The following CACNA1B variants were observed in gnomAD, a reference collection of about 807,000 sequenced individuals.
CACNA1B encodes the protein voltage-dependent N-type calcium channel subunit alpha-1B.
CACNA1B carries 70 observed loss-of-function variants against 247.2 expected under a neutral mutation model. That is an observed-to-expected ratio of 0.28 (90% confidence interval 0.23 to 0.35). The LOEUF is 0.35. Among genes scored for constraint, CACNA1B ranks in the 10% least tolerant of loss-of-function variants. The pLI is 1.00. For synonymous variants in CACNA1B, 1,231 were observed against 1,294.4 expected, an observed-to-expected ratio of 0.95 and a Z score of 1.05; for missense variants, 2,367 against 3,197.4, an observed-to-expected ratio of 0.74 and a Z score of 6.26.
chr9:137,984,069 G>A, intron 12 of CACNA1B, 69 bp from the exon 13 acceptor site: 1 of 1,154,416 alleles, frequency 8.7e-7, no homozygotes, highest in Non-Finnish European at 1.3e-6. Flanking sequence ...CGCAGGGTGT[G>A]CACACACATC....
In CACNA1B at chr9:138,059,189, G is replaced by C. The variant is rs1363673878; in HGVS notation, c.4584G>C (p.Leu1528=). Reference sequence around the variant, plus strand: ...TGAAGATCATCGCCTTTGGGGTGCTGGTACGTGCTTTGGTCCCTGCTTTGC... The same window carrying C: ...TGAAGATCATCGCCTTTGGGGTGCTCGTACGTGCTTTGGTCCCTGCTTTGC... ...CVLKIIAFGV[L]NYFRDAWNVF... The change falls in exon 30 of 47, where the codon CTG becomes CTC. Residue 1528 remains leucine (L), a splice_region_variant and synonymous_variant. Coordinates refer to ENST00000371372, the MANE Select transcript of CACNA1B (RefSeq NM_000718.4). The surrounding 1 kb of genome is among the most constrained non-coding windows in gnomAD (Gnocchi z 4.2). 1.9e-6 allele frequency: 3 copies of C among 1,587,066 alleles called. No individual in the cohort carries two copies. The highest frequency in any genetic ancestry group is 2.6e-6 in the Non-Finnish European group (3 of 1,156,014).
rs1959225928 is a variant in CACNA1B at position 138,050,076 on chromosome 9, AGCTTCGTGGGGTAAT to A, written c.3710+764_3710+778del. On this transcript the variant is annotated intron_variant, in intron 24 of 46. Coordinates refer to ENST00000371372, the MANE Select transcript of CACNA1B (RefSeq NM_000718.4). The surrounding 1 kb of genome is among the most constrained non-coding windows in gnomAD (Gnocchi z 5.2). ...TCTTCCTCTTGCTGGACTCGGCAGG[AGCTTCGTGGGGTAAT>A]GCCTTCTCTCCCCCACACGCTGCCC... 1 of 1,289,426 alleles carries A rather than the reference AGCTTCGTGGGGTAAT, an allele frequency of 7.8e-7. No homozygotes were observed. The highest frequency in any genetic ancestry group is 1.0e-6 in the Non-Finnish European group (1 of 988,660). 79.9% of individuals were successfully genotyped at this position (1,289,426 alleles called of 1,614,324 possible).
chr9:138,023,218 C>A lies in CACNA1B; in HGVS notation c.2475C>A (p.Gly825=). ...TGGTGGTGGAGCTGGGCCGCGACGGCGCGCGGGGGCCCGTGGGAGGCAAAG... is the reference window on the plus strand; with the variant it reads ...TGGTGGTGGAGCTGGGCCGCGACGGAGCGCGGGGGCCCGTGGGAGGCAAAG... The part of the protein sequence containing the change: ...RPLVVELGRD[G]ARGPVGGKAR... The change falls in exon 19 of 47, where the codon GGC becomes GGA. Residue 825 remains glycine (G), a synonymous_variant. Transcript: ENST00000371372. The A allele has an allele frequency of 6.6e-7, 1 of 1,510,502 alleles. No individual in the cohort carries two copies. Among genetic ancestry groups the A allele is most frequent in the Non-Finnish European group, 8.8e-7 (1 of 1,137,918 alleles). 93.6% of individuals were successfully genotyped at this position (1,510,502 alleles called of 1,614,324 possible). A position where few individuals can be genotyped will look rare whatever the true frequency, so the allele number is the denominator to read the frequency against.
chr9:138,089,239 G>A (rs1013277106), intron 36 of CACNA1B, among the ~76,000 whole-genome samples: 2 of 152,042 alleles, frequency 1.3e-5, no homozygotes, highest in East Asian at 1.9e-4. Context: ...TCTGATGATC[G>A]TAGATGGAAA....
chr9:137,986,814 A>C lies in CACNA1B; in HGVS notation c.1934A>C (p.Asn645Thr). The change falls in exon 15 of 47, where the codon AAC (asparagine) becomes ACC (threonine). Residue 645 changes from asparagine to threonine, a missense_variant. This residue lies in a region of CACNA1B where 76 missense variants were observed against 191.0 expected (regional missense o/e 0.40). Coordinates refer to ENST00000371372, the MANE Select transcript of CACNA1B (RefSeq NM_000718.4). This position sits in a 1 kb window ranked among gnomAD's most constrained non-coding sequence, Gnocchi z 6.0. Reference sequence around the variant, plus strand: ...TTCCAGGATGAGACTCCCACAACCAACTTCGACACCTTCCCTGCCGCCATC... The same window carrying C: ...TTCCAGGATGAGACTCCCACAACCACCTTCGACACCTTCCCTGCCGCCATC... ...FNFQDETPTT[N>T]FDTFPAAILT... 5.0e-6 allele frequency: 8 copies of C among 1,613,852 alleles called. No homozygotes were observed. The highest frequency in any genetic ancestry group is 6.8e-6 in the Non-Finnish European group (8 of 1,179,828).
intron 36 of CACNA1B, among the ~76,000 whole-genome samples, chr9:138,088,329 A>G (rs1960768564): frequency 6.6e-6 from 1 of 152,074 alleles, no homozygotes; most frequent in African/African-American, 2.4e-5. Context: ...AGATTATGCC[A>G]CTGCACTCCA....
At chr9:138,004,681 A>G (rs1958625223) in intron 15 of CACNA1B, among the ~76,000 whole-genome samples, 1 of 152,206 alleles carries the variant, frequency 6.6e-6, no homozygotes, top group Non-Finnish European at 1.5e-5. Context: ...CTGTTTATAC[A>G]TACGTGTATG....
chr9:137,947,109 ACT>A (rs1957805983), intron 6 of CACNA1B, among the ~76,000 whole-genome samples: 1 of 152,092 alleles, frequency 6.6e-6, no homozygotes, highest in African/African-American at 2.4e-5. Flanking sequence ...ACTTGGTTAC[ACT>A]CTATGTAAAT....
In CACNA1B at chr9:138,058,011, T is replaced by C. The variant is rs2133503516; in HGVS notation, c.4107-38T>C. The C allele has an allele frequency of 6.3e-7, 1 of 1,590,892 alleles. No individual in the cohort carries two copies. Among genetic ancestry groups the C allele is most frequent in the Non-Finnish European group, 8.6e-7 (1 of 1,158,902 alleles). Reference sequence around the variant, plus strand: ...CTTGAGTTCTTAGGGCTGTCTCCTTTGGGGGTTCCCCTGACACTTGCTCTC... The same window carrying C: ...CTTGAGTTCTTAGGGCTGTCTCCTTCGGGGGTTCCCCTGACACTTGCTCTC... On this transcript the variant is annotated intron_variant, in intron 27 of 46. Transcript: ENST00000371372. The surrounding 1 kb of genome is among the most constrained non-coding windows in gnomAD (Gnocchi z 4.7).
In CACNA1B at chr9:138,064,873, G is replaced by A. The variant is rs1959860286; in HGVS notation, c.4669-4885G>A. Among the ~76,000 whole-genome samples, 3 of 152,248 alleles carry A rather than the reference G, an allele frequency of 2.0e-5. 1 individual carries two copies. Among genetic ancestry groups the A allele is most frequent in the South Asian group, 4.1e-4 (2 of 4,834 alleles). On this transcript the variant is annotated intron_variant, in intron 31 of 46. Coordinates refer to ENST00000371372, the MANE Select transcript of CACNA1B (RefSeq NM_000718.4). The stretch of plus-strand genomic sequence containing the variant: ...CCTGGCCTGCAGAAGAGAACCACCA[G>A]TGGCCTTGTGCGTGATGCCAGTGCC...
rs116491221 is a variant in CACNA1B, at chr9:138,071,907, C to G, written c.4675-1581C>G. On this transcript the variant is annotated intron_variant, in intron 32 of 46. Transcript: ENST00000371372. ...GAGTGGGAGCCTCCAACCCCCGGCT[C>G]TGCTTCATCATCTTACATAAGGGTC... 4.7e-3 allele frequency among the ~76,000 whole-genome samples: 709 copies of G among 152,168 alleles called. 5 individuals carry two copies. The highest frequency in any genetic ancestry group is 0.016 in the African/African-American group (665 of 41,496).
chr9:138,106,446 A>G (rs1467352809), intron 39 of CACNA1B, among the ~76,000 whole-genome samples: 2 of 152,082 alleles, frequency 1.3e-5, no homozygotes, highest in Admixed American at 1.3e-4. Flanking sequence ...TATTTGTGTC[A>G]GCATATAAAC....
chr9:137,888,653 G>A lies in CACNA1B; in HGVS notation c.530+5770G>A, dbSNP rs779479597. On this transcript the variant is annotated intron_variant, in intron 3 of 46. Transcript: ENST00000371372. This position sits in a 1 kb window ranked among gnomAD's most constrained non-coding sequence, Gnocchi z 4.7. ...AGAGCCCAGCTTTCTCCCTGGACCC[G>A]GCCTCCTGTGGGTTGAAGAGAGGGT... 5.1e-4 allele frequency among the ~76,000 whole-genome samples: 77 copies of A among 152,290 alleles called. No individual in the cohort carries two copies. Among genetic ancestry groups the A allele is most frequent in the Admixed American group, 3.3e-4 (5 of 15,302 alleles).
At position 138,114,482 on chromosome 9, in the gene CACNA1B, C is replaced by T. The variant is rs775511103; in HGVS notation, c.5641C>T (p.Leu1881Phe). 3 of 1,554,044 alleles carry T rather than the reference C, an allele frequency of 1.9e-6. No homozygotes were observed. The Admixed American group carries it at 5.6e-5, about 29-fold the overall frequency. The stretch of plus-strand genomic sequence containing the variant: ...CCAGATGCAGCAGGCTCCTGGAGGC[C>T]TCTCCCAGGTAGCTGGCGGCCCTCA... ...RDQMQQAPGG[L>F]SQMGPVSLFH... The change falls in exon 41 of 47, where the codon CTC becomes TTC. Residue 1881 changes from leucine to phenylalanine, a missense_variant. This residue lies in a region of CACNA1B where 773 missense variants were observed against 779.4 expected (regional missense o/e 0.99). Coordinates refer to ENST00000371372, the MANE Select transcript of CACNA1B (RefSeq NM_000718.4).
intron 35 of CACNA1B, 143 bp from the exon 36 acceptor site, chr9:138,077,971 A>G (rs1960384847): frequency 1.6e-6 from 1 of 629,982 alleles, no homozygotes; most frequent in South Asian, 2.2e-5. Flanking sequence ...CTTTGAAGAA[A>G]CAGCATCTGT....
At chr9:138,046,853 G>A in intron 21 of CACNA1B, 51 bp from the exon 22 acceptor site, 1 of 1,581,828 alleles carries the variant, frequency 6.3e-7, no homozygotes, top group Non-Finnish European at 8.6e-7. Context: ...GTGGCAAGGG[G>A]TGGCGCGCCC....
chr9:137,902,860 G>A (rs1280640560), intron 3 of CACNA1B, among the ~76,000 whole-genome samples: 1 of 152,238 alleles, frequency 6.6e-6, no homozygotes, highest in Admixed American at 6.5e-5. Flanking sequence ...GCACACAGAT[G>A]TCTCAGCATC....
chr9:138,078,196 G>A lies in CACNA1B; in HGVS notation c.5032G>A (p.Glu1678Lys), dbSNP rs201516369. 36 of 1,613,804 alleles carry A rather than the reference G, an allele frequency of 2.2e-5. No homozygotes were observed. The highest frequency in any genetic ancestry group is 1.6e-4 in the Middle Eastern group (1 of 6,084). The change falls in exon 36 of 47, where the codon GAG becomes AAG. Residue 1678 changes from glutamate (E) to lysine (K), a missense_variant. Physicochemically the swap from Glu to Lys is moderately conservative, Grantham distance 56. Transcript: ENST00000371372. The part of the protein sequence containing the change: ...QACDEQANAT[E>K]CGSDFAYFYF... ...CTGTGATGAGCAGGCCAATGCCACC[G>A]AGTGTGGAAGTGACTTTGCCTACTT...
chr9:138,020,668 G>C lies in CACNA1B; in HGVS notation c.2268-2343G>C, dbSNP rs765161114. Among the ~76,000 whole-genome samples, 3 of 152,206 alleles carry C rather than the reference G, an allele frequency of 2.0e-5. No homozygotes were observed. The highest frequency in any genetic ancestry group is 2.9e-5 in the Non-Finnish European group (2 of 68,020). On this transcript the variant is annotated intron_variant, in intron 18 of 46. Coordinates refer to ENST00000371372, the MANE Select transcript of CACNA1B (RefSeq NM_000718.4). This position sits in a 1 kb window ranked among gnomAD's most constrained non-coding sequence, Gnocchi z 4.1. Reference sequence around the variant, plus strand: ...GCCAGGTGGAACCAGTGGGGCTGCGGGGGGCGGGCAGGTGCCCTAGCGTAG... The same window carrying C: ...GCCAGGTGGAACCAGTGGGGCTGCGCGGGGCGGGCAGGTGCCCTAGCGTAG...
Sources: gnomAD v4.1 joint callset for allele counts (sites outside exome capture counted in the v4.1 genomes callset) on GRCh38, gnomAD v4.1.1 for gene constraint, gnomAD v4.1.1 regional missense constraint, Gnocchi (gnomAD v3.1) non-coding constraint, MANE v1.5 for transcripts, NCBI Gene and HGNC (gene_info 2026-07-23, HGNC 2026-07-21) for gene names.